Variants in MYH15 observed in about 807,000 individuals in gnomAD.
MYH15 encodes the protein myosin heavy chain 15.
In MYH15, 227 loss-of-function variants were observed where a neutral mutation model predicts 240.5. The observed-to-expected ratio is 0.94, with a 90% confidence interval of 0.85 to 1.05. The LOEUF (loss-of-function observed/expected upper bound fraction) is 1.05. MYH15 is among the 50% of genes least tolerant of loss of function. The probability of loss-of-function intolerance (pLI) is 0.00; values close to 1 mark genes in which losing one functional copy is unlikely to be tolerated. For synonymous variants in MYH15, 785 were observed against 796.7 expected (o/e 0.99, Z 0.25); for missense variants, 2,217 against 2,247.5 (o/e 0.99, Z 0.27).
At chr3:108,486,369 T>A (rs2083306105) in intron 10 of MYH15, 54 bp downstream of exon 10, 2 of 1,435,998 alleles carry the variant, frequency 1.4e-6, no homozygotes, top group Admixed American at 1.7e-5. Context: ...AGATTCTGTC[T>A]TTCATTTCTC....
In MYH15 at chr3:108,416,947, C is replaced by G. The variant is rs1461752825; in HGVS notation, c.3830-17G>C. On this transcript the variant is annotated splice_polypyrimidine_tract_variant and intron_variant, in intron 28 of 40. Transcript: ENST00000693548. ...GGAACTCGCCTACAGAAAGATTTCA[C>G]AAAACTACATAATTACAGTCTTCCT... 4 of 1,572,836 alleles carry G rather than the reference C, an allele frequency of 2.5e-6. No individual in the cohort carries two copies. The highest frequency in any genetic ancestry group is 2.2e-5 in the South Asian group (2 of 89,840).
intron 25 of MYH15, among the ~76,000 whole-genome samples, chr3:108,432,587 C>A (rs1348895593): frequency 2.0e-5 from 3 of 152,104 alleles, no homozygotes; most frequent in Admixed American, 2.0e-4. Context: ...GCCTAGAGGC[C>A]CAGGAGGAAA....
chr3:108,471,311 A>C (rs1029371044), intron 12 of MYH15, among the ~76,000 whole-genome samples: 1 of 152,190 alleles, frequency 6.6e-6, no homozygotes, highest in Admixed American at 6.5e-5. Context: ...TAAGACCAGC[A>C]GCAGCACCAC....
chr3:108,446,938 TA>T (rs969013271), intron 21 of MYH15, among the ~76,000 whole-genome samples: 2 of 151,814 alleles, frequency 1.3e-5, no homozygotes, highest in African/African-American at 2.4e-5. Flanking sequence ...ACAATGATCT[TA>T]AAAAAAAGTT....
At chr3:108,541,877 A>G in the MYH15 span, among the ~76,000 whole-genome samples, 1 of 152,152 alleles carries the variant, frequency 6.6e-6, no homozygotes, top group Non-Finnish European at 1.5e-5. Flanking sequence ...ATAGTGAAAA[A>G]GGTACAAAAC....
chr3:108,542,736 T>C, the MYH15 span, among the ~76,000 whole-genome samples: 4 of 152,078 alleles, frequency 2.6e-5, no homozygotes, highest in Non-Finnish European at 5.9e-5. Flanking sequence ...CCAGTGTGTG[T>C]TGTTCCCCAC....
chr3:108,457,458 C>G (rs955877661), intron 18 of MYH15, among the ~76,000 whole-genome samples: 3 of 152,122 alleles, frequency 2.0e-5, no homozygotes, highest in African/African-American at 4.8e-5. Context: ...ATCCTTCTGT[C>G]ACCTTCTCGT....
intron 18 of MYH15, among the ~76,000 whole-genome samples, chr3:108,458,671 G>T (rs1184647402): frequency 6.6e-6 from 1 of 151,834 alleles, no homozygotes; most frequent in Non-Finnish European, 1.5e-5. Flanking sequence ...GAGGTGGCTG[G>T]GAATCTTCAA....
intron 1 of MYH15, among the ~76,000 whole-genome samples, chr3:108,517,044 A>C (rs1435767749): frequency 1.3e-5 from 2 of 151,550 alleles, no homozygotes; most frequent in Non-Finnish European, 2.9e-5. Flanking sequence ...ATCCTACTCA[A>C]CCTCTCTGCA....
chr3:108,418,078 T>G (rs2107552867), intron 28 of MYH15, among the ~76,000 whole-genome samples: 1 of 152,312 alleles, frequency 6.6e-6, no homozygotes, highest in Non-Finnish European at 1.5e-5. Context: ...TTCCTTGAAG[T>G]GACAGGTTTC....
At position 108,460,385 on chromosome 3, in the gene MYH15, A is replaced by G; in HGVS notation, c.1865-18T>C. 7.0e-7 allele frequency: 1 copy of G among 1,420,186 alleles called. No individual in the cohort carries two copies. Among genetic ancestry groups the G allele is most frequent in the Non-Finnish European group, 9.6e-7 (1 of 1,039,524 alleles). 88.0% of individuals were successfully genotyped at this position (1,420,186 alleles called of 1,614,324 possible). A position where few individuals can be genotyped will look rare whatever the true frequency, so the allele number is the denominator to read the frequency against. Reference sequence around the variant, plus strand: ...TGGTATAGCTAGCAAAAAAAAAAAAAGAAAAAGATGAAAACATGTAAAAAG... The same window carrying G: ...TGGTATAGCTAGCAAAAAAAAAAAAGGAAAAAGATGAAAACATGTAAAAAG... On this transcript the variant is annotated intron_variant, in intron 16 of 40. Transcript: ENST00000693548.
At chr3:108,516,530 C>A (rs976237551) in intron 1 of MYH15, among the ~76,000 whole-genome samples, 1 of 152,176 alleles carries the variant, frequency 6.6e-6, no homozygotes, top group African/African-American at 2.4e-5. Context: ...TGGGGAAATG[C>A]TGCAAGATGC....
Position 108,444,824 on chromosome 3 carries a change from A to T in MYH15, c.2471T>A (p.Leu824His). The T allele has an allele frequency of 6.2e-7, 1 of 1,614,086 alleles. No homozygotes were observed. Among genetic ancestry groups the T allele is most frequent in the East Asian group, 2.2e-5 (1 of 44,868 alleles). ...AACAAGAGGCTTGATCTTGAAGAAG[A>T]GCCTCATCCAGGGCCAGTTCTTCAC... is the stretch of plus-strand genomic sequence containing the variant. ...MAVKNWPWMR[L>H]FFKIKPLVKS... The change falls in exon 22 of 41, where the codon CTC becomes CAC. Residue 824 changes from leucine (L) to histidine (H), a missense_variant. Leu to His is a moderately conservative substitution (Grantham distance 99, BLOSUM62 -3). Transcript: ENST00000693548.
intron 25 of MYH15, among the ~76,000 whole-genome samples, chr3:108,433,650 A>G (rs890201033): frequency 6.6e-6 from 1 of 152,078 alleles, no homozygotes; most frequent in Non-Finnish European, 1.5e-5. Context: ...AAGTCTCTTG[A>G]GATCTGATGG....
chr3:108,412,200 A>G (rs2082599984), intron 30 of MYH15, among the ~76,000 whole-genome samples: 1 of 152,150 alleles, frequency 6.6e-6, no homozygotes, highest in African/African-American at 2.4e-5. Flanking sequence ...TAATCCCCAC[A>G]TGTCATGGGA....
intron 27 of MYH15, among the ~76,000 whole-genome samples, chr3:108,423,229 G>A (rs772850572): frequency 2.0e-5 from 3 of 152,150 alleles, no homozygotes; most frequent in Non-Finnish European, 4.4e-5. Context: ...CACTCCAGTG[G>A]GCAGGCTGGT....
chr3:108,414,117 T>C, intron 30 of MYH15, 115 bp downstream of exon 30: 1 of 1,144,288 alleles, frequency 8.7e-7, no homozygotes, highest in Non-Finnish European at 1.2e-6. Flanking sequence ...GGCTTGTTCC[T>C]GCACTCGGCA....
At chr3:108,455,882 T>C in intron 19 of MYH15, 23 bp from the exon 20 acceptor site, 1 of 1,600,854 alleles carries the variant, frequency 6.2e-7, no homozygotes, top group South Asian at 1.1e-5. Flanking sequence ...AAAGAAAAAA[T>C]CATGAGTTTG....
intron 6 of MYH15, among the ~76,000 whole-genome samples, chr3:108,497,159 A>T (rs1191430648): frequency 1.0e-3 from 21 of 20,930 alleles, no homozygotes; most frequent in South Asian, 2.4e-3. Context: ...AGACTCCGTA[A>T]AAAAAAAAAA....
Sources: gnomAD v4.1 joint callset for allele counts (sites outside exome capture counted in the v4.1 genomes callset) on GRCh38, gnomAD v4.1.1 for gene constraint, MANE v1.5 for transcripts, NCBI Gene and HGNC (gene_info 2026-07-23, HGNC 2026-07-21) for gene names.